Variants in KCNS3 observed in about 807,000 individuals in gnomAD.
KCNS3 encodes the protein delayed-rectifier potassium channel regulatory subunit KCNS3.
In KCNS3, 13 loss-of-function variants were observed where a neutral mutation model predicts 31.0. The observed-to-expected ratio is 0.42, with a 90% CI of 0.27 to 0.67. KCNS3 has a LOEUF of 0.67. KCNS3 is among the 30% of genes least tolerant of loss of function. The pLI is 0.25. For missense variants in KCNS3, 545 were observed against 622.4 expected, an observed-to-expected ratio of 0.88 and a Z score of 1.32; for synonymous variants, 238 against 241.5, an observed-to-expected ratio of 0.99 and a Z score of 0.13.
chr2:17,889,242 G>T (rs916568619), intron 1 of KCNS3, among the ~76,000 whole-genome samples: 1 of 152,102 alleles, frequency 6.6e-6, no homozygotes, highest in Admixed American at 6.6e-5. Context: ...CGCTGTTGGT[G>T]TATAGAAGAG....
rs1215789385 is a variant in KCNS3, at chr2:17,931,612, A to G, written c.604A>G (p.Met202Val). ...LSVVLASIVA[M>V]CVHSMSEFQN... is the part of the protein sequence containing the mutation. The stretch of plus-strand genomic sequence containing the variant: ...CGTGGTGCTGGCCTCCATCGTGGCC[A>G]TGTGCGTTCACAGCATGTCGGAGTT... The change falls in exon 3 of 3, where the codon ATG (methionine) becomes GTG (valine). Residue 202 changes from methionine (M) to valine (V), a missense_variant. Physicochemically the swap from Met to Val is conservative, Grantham distance 21. Transcript: ENST00000304101. The surrounding 1 kb of genome is among the most constrained non-coding windows in gnomAD (Gnocchi z 5.4). The G allele has an allele frequency of 6.8e-6, 11 of 1,614,086 alleles. No individual in the cohort carries two copies. The East Asian group carries it at 2.0e-4, about 29-fold the overall frequency.
intron 1 of KCNS3, among the ~76,000 whole-genome samples, chr2:17,915,956 C>T (rs141394321): frequency 6.6e-6 from 1 of 152,166 alleles, no homozygotes; most frequent in East Asian, 1.9e-4. Context: ...TAGACATAGA[C>T]TAAAGGCCCA....
chr2:17,878,230 T>A (rs976162457), upstream of KCNS3, among the ~76,000 whole-genome samples: 1 of 152,166 alleles, frequency 6.6e-6, no homozygotes, highest in Non-Finnish European at 1.5e-5. Flanking sequence ...AAAGTGTCGC[T>A]TGGGCCGCGA....
At chr2:17,925,623 A>G (rs997865857) in intron 2 of KCNS3, among the ~76,000 whole-genome samples, 1 of 152,066 alleles carries the variant, frequency 6.6e-6, no homozygotes, top group Non-Finnish European at 1.5e-5. Context: ...GAGAGAAGGG[A>G]AAAGAGCTTT....
At chr2:17,906,951 G>A (rs148664165) in intron 1 of KCNS3, among the ~76,000 whole-genome samples, 3,937 of 152,308 alleles carry the variant, frequency 0.026, 174 homozygotes, top group African/African-American at 0.09. Flanking sequence ...ATGTGGTGTA[G>A]AGTGCTGTAG....
chr2:17,915,423 A>T (rs1662567386), intron 1 of KCNS3, among the ~76,000 whole-genome samples: 1 of 152,176 alleles, frequency 6.6e-6, no homozygotes, highest in South Asian at 2.1e-4. Context: ...TCTTCCCCAA[A>T]GCCTACTGGC....
At chr2:17,898,006 T>G (rs907807886) in intron 1 of KCNS3, among the ~76,000 whole-genome samples, 2 of 152,196 alleles carry the variant, frequency 1.3e-5, no homozygotes, top group Non-Finnish European at 2.9e-5. Context: ...TCAAATTTGT[T>G]CTTCTGCATA....
chr2:17,919,069 C>T (rs952756494), intron 2 of KCNS3, among the ~76,000 whole-genome samples: 6 of 152,206 alleles, frequency 3.9e-5, no homozygotes, highest in African/African-American at 1.4e-4. Flanking sequence ...CGATTCTTTG[C>T]TTTTTACAAA....
At chr2:17,908,640 T>C (rs993446459) in intron 1 of KCNS3, among the ~76,000 whole-genome samples, 5 of 152,204 alleles carry the variant, frequency 3.3e-5, no homozygotes, top group Admixed American at 3.3e-4. Context: ...GGGGTTTTGG[T>C]GTGGATGTCC....
intron 1 of KCNS3, among the ~76,000 whole-genome samples, chr2:17,910,662 G>A (rs369498149): frequency 1.3e-5 from 2 of 151,816 alleles, no homozygotes; most frequent in African/African-American, 4.8e-5. Context: ...TCTAGGAAGA[G>A]CAGTAACTCC....
At chr2:17,907,283 A>T (rs1476350812) in intron 1 of KCNS3, among the ~76,000 whole-genome samples, 2 of 152,104 alleles carry the variant, frequency 1.3e-5, no homozygotes, top group South Asian at 4.2e-4. Flanking sequence ...GATTGCAACC[A>T]CTGGTTTCTT....
rs767266398 is a variant in KCNS3 at position 17,903,660 on chromosome 2, A to G, written c.-251-14020A>G. On this transcript the variant is annotated intron_variant, in intron 1 of 2. Transcript: ENST00000304101. Reference sequence around the variant, plus strand: ...GTGTGATGTTCCCCTTCCTATGTCCAAGTGTTCTCATTGTTCAGTTCCCAC... The same window carrying G: ...GTGTGATGTTCCCCTTCCTATGTCCGAGTGTTCTCATTGTTCAGTTCCCAC... 2.4e-3 allele frequency among the ~76,000 whole-genome samples: 316 copies of G among 133,384 alleles called. 3 individuals carry two copies. The highest frequency in any genetic ancestry group is 3.7e-3 in the Admixed American group (46 of 12,306). The allele number at this position is 133,384 out of a possible 152,430, so 87.5% of individuals were successfully genotyped here.
At chr2:17,928,933 C>T (rs994345390) in intron 2 of KCNS3, among the ~76,000 whole-genome samples, 2 of 152,184 alleles carry the variant, frequency 1.3e-5, no homozygotes, top group African/African-American at 4.8e-5. Flanking sequence ...TATGCACTGC[C>T]ACTGTGTGTG....
chr2:17,891,205 T>C (rs1043003944), intron 1 of KCNS3, among the ~76,000 whole-genome samples: 3 of 152,206 alleles, frequency 2.0e-5, no homozygotes, highest in African/African-American at 7.2e-5. Flanking sequence ...AAGTTTGTTT[T>C]GTCTGATATA....
At chr2:17,905,857 G>A (rs1372115301) in intron 1 of KCNS3, among the ~76,000 whole-genome samples, 2 of 152,136 alleles carry the variant, frequency 1.3e-5, no homozygotes, top group Non-Finnish European at 2.9e-5. Flanking sequence ...GCTGGATTTG[G>A]TTTGCCCGTA....
intron 1 of KCNS3, among the ~76,000 whole-genome samples, chr2:17,886,445 T>C (rs1025751598): frequency 2.6e-5 from 4 of 152,134 alleles, no homozygotes; most frequent in Admixed American, 1.3e-4. Flanking sequence ...TTCTTGGAAG[T>C]ATTTTTTTTG....
intron 1 of KCNS3, among the ~76,000 whole-genome samples, chr2:17,883,215 G>C (rs1674682103): frequency 6.6e-6 from 1 of 152,106 alleles, no homozygotes; most frequent in South Asian, 2.1e-4. Flanking sequence ...AGCCATCCGA[G>C]GACTTACCAG....
At chr2:17,884,262 AAAAAAAATATATATATATATAT>A (rs1182405739) in intron 1 of KCNS3, among the ~76,000 whole-genome samples, 9 of 51,756 alleles carry the variant, frequency 1.7e-4, no homozygotes, top group East Asian at 1.5e-3. Flanking sequence ...TAATTAAAAA[AAAAAAAATATATATATATATAT>A]ATATATATAT....
At chr2:17,909,162 C>T (rs1269132919) in intron 1 of KCNS3, among the ~76,000 whole-genome samples, 5 of 152,144 alleles carry the variant, frequency 3.3e-5, no homozygotes, top group African/African-American at 4.8e-5. Context: ...CAATGGCGGG[C>T]GCCCCTCCCC....
Sources: allele counts gnomAD v4.1 joint callset (sites outside exome capture counted in the v4.1 genomes callset), GRCh38; gene constraint gnomAD v4.1.1; non-coding constraint Gnocchi (gnomAD v3.1); transcripts MANE v1.5; gene names NCBI Gene and HGNC (gene_info 2026-07-23, HGNC 2026-07-21).